COX11: variants seen among roughly 807,000 people sequenced by gnomAD.
COX11 encodes cytochrome c oxidase assembly protein COX11, mitochondrial.
A neutral mutation model predicts 29.4 loss-of-function variants in COX11; 18 were observed. The ratio of observed to expected loss-of-function variants is 0.61; its 90% CI spans 0.42 to 0.91. The LOEUF is 0.91. COX11 is among the 40% of genes least tolerant of loss of function. The pLI, the probability that COX11 is intolerant of heterozygous loss-of-function variation, is 0.00. For synonymous variants in COX11, 131 were observed against 124.0 expected, an observed-to-expected ratio of 1.06 and a Z score of -0.38; for missense variants, 312 against 346.0, an observed-to-expected ratio of 0.90 and a Z score of 0.78.
intron 1 of COX11, among the ~76,000 whole-genome samples, chr17:54,966,197 C>T (rs1342711977): frequency 1.3e-5 from 2 of 152,118 alleles, no homozygotes; most frequent in Non-Finnish European, 2.9e-5. Context: ...TTTAAGTGTC[C>T]TCCCTCAATA....
intron 1 of COX11, among the ~76,000 whole-genome samples, chr17:54,965,387 C>T (rs545810521): frequency 4.6e-5 from 7 of 152,268 alleles, no homozygotes; most frequent in African/African-American, 9.6e-5. Flanking sequence ...TATTTTCCCA[C>T]GTTGGTTAAT....
chr17:54,967,450 A>G (rs1160634560), intron 1 of COX11, among the ~76,000 whole-genome samples: 1 of 152,208 alleles, frequency 6.6e-6, no homozygotes, highest in Non-Finnish European at 1.5e-5. Context: ...AAAGCTGCAA[A>G]TTATTAGCTA....
rs934388946 is a variant in COX11, at chr17:54,962,116, A to G, written c.*617T>C. 24 of 956,386 alleles carry G rather than the reference A, an allele frequency of 2.5e-5. No homozygotes were observed. Among genetic ancestry groups the G allele is most frequent in the Non-Finnish European group, 2.9e-5 (23 of 803,398 alleles). The allele number at this position is 956,386 out of a possible 1,614,324, so 59.2% of individuals were successfully genotyped here. A position where few individuals can be genotyped will look rare whatever the true frequency, so the allele number is the denominator to read the frequency against. On this transcript the variant is annotated 3_prime_UTR_variant, in exon 4 of 4. Coordinates refer to ENST00000299335, the MANE Select transcript of COX11 (RefSeq NM_004375.5). ...ATGTATTTTATTTCAATTTTATGAT[A>G]CTACAGTTTCAAAGTAATTATTCAG...
chr17:54,966,756 G>A (rs80055006), intron 1 of COX11, among the ~76,000 whole-genome samples: 1,591 of 152,324 alleles, frequency 0.01, 17 homozygotes, highest in Middle Eastern at 0.02. Flanking sequence ...CTGATGAAAA[G>A]TAATTCACAT....
rs770781792 is a variant in COX11 at position 54,963,378 on chromosome 17, G to T, written c.576C>A (p.Asp192Glu). Residue 192 changes from aspartate to glutamate, a missense_variant, in exon 3 of 4, where the codon GAC becomes GAA. This residue lies in a region of COX11 where 182 missense variants were observed against 240.0 expected (regional missense o/e 0.76). Coordinates refer to ENST00000299335, the MANE Select transcript of COX11 (RefSeq NM_004375.5). ...LAFYRAKNPT[D>E]KPVIGISTYN... ...ATGTAGAAATTCCAATTACTGGTTT[G>T]TCAGTAGGATTCTTAGCTCTGTAAA... 2 of 1,612,258 alleles carry T rather than the reference G, an allele frequency of 1.2e-6. No homozygotes were observed. Among genetic ancestry groups the T allele is most frequent in the Non-Finnish European group, 1.7e-6 (2 of 1,179,008 alleles).
chr17:54,964,969 A>G (rs1598109930), intron 1 of COX11, 117 bp from the exon 2 acceptor site: 1 of 913,598 alleles, frequency 1.1e-6, no homozygotes, highest in Non-Finnish European at 1.6e-6. Context: ...AAGTTTACAT[A>G]TGGTAACTGA....
intron 1 of COX11, among the ~76,000 whole-genome samples, chr17:54,967,284 C>A (rs1230532164): frequency 6.6e-6 from 1 of 152,116 alleles, no homozygotes; most frequent in African/African-American, 2.4e-5. Flanking sequence ...ATTTTGGGAG[C>A]CACTATCTTA....
Position 54,960,547 on chromosome 17 carries a change from T to A in COX11, c.*2186A>T, listed in dbSNP as rs1211790419. 6.2e-7 allele frequency: 1 copy of A among 1,607,934 alleles called. No individual in the cohort carries two copies. The highest frequency in any genetic ancestry group is 2.2e-5 in the East Asian group (1 of 44,802). On this transcript the variant is annotated 3_prime_UTR_variant, in exon 4 of 4. Coordinates refer to ENST00000299335, the MANE Select transcript of COX11 (RefSeq NM_004375.5). The stretch of plus-strand genomic sequence containing the variant: ...TGAAATTGATACATAACCCTTTTGC[T>A]GTGATGGCTTTGTTTCAGAGCTATT...
At chr17:54,967,036 GCGCGCGCA>G (rs2077235522) in intron 1 of COX11, among the ~76,000 whole-genome samples, 8 of 46,830 alleles carry the variant, frequency 1.7e-4, no homozygotes, top group South Asian at 8.1e-4. Context: ...AAACGTGCGC[GCGCGCGCA>G]CACACACACA....
At chr17:54,958,209 A>C (rs1182486677), downstream of COX11, 2 of 152,264 alleles carry the variant, frequency 1.3e-5, no homozygotes, top group Non-Finnish European at 2.9e-5. Flanking sequence ...TTGGAAGCAA[A>C]AAGGAGCGAG....
chr17:54,968,777 T>C, upstream of COX11: 1 of 1,105,508 alleles, frequency 9.0e-7, no homozygotes, highest in Non-Finnish European at 1.3e-6. Context: ...GTGGCAGCGC[T>C]TGCAGTCGGG....
chr17:54,952,105 T>C (rs1168019721), exon 1 of COX11: 2 of 152,182 alleles, frequency 1.3e-5, no homozygotes, highest in Non-Finnish European at 2.9e-5. Flanking sequence ...AGTTGAAATT[T>C]TTCTAATCTG....
At chr17:54,967,031 T>TGCGC (rs34688822) in intron 1 of COX11, among the ~76,000 whole-genome samples, 15,065 of 89,632 alleles carry the variant, frequency 0.17, 1,032 homozygotes, top group Admixed American at 0.33. Flanking sequence ...TAAATAAACG[T>TGCGC]GCGCGCGCGC....
intron 1 of COX11, among the ~76,000 whole-genome samples, chr17:54,965,227 T>C (rs2077197446): frequency 6.6e-6 from 1 of 152,246 alleles, no homozygotes; most frequent in African/African-American, 2.4e-5. Context: ...AGAAATAAAA[T>C]TTACCCATGA....
At chr17:54,963,468 A>C in intron 2 of COX11, 37 bp from the exon 3 acceptor site, 1 of 1,569,364 alleles carries the variant, frequency 6.4e-7, no homozygotes, top group Non-Finnish European at 8.6e-7. Flanking sequence ...AATACTTTGA[A>C]TCTCACAAAG....
downstream of COX11, among the ~76,000 whole-genome samples, chr17:54,958,726 A>G (rs528998550): frequency 1.1e-4 from 13 of 113,610 alleles, no homozygotes; most frequent in East Asian, 3.0e-3. Context: ...GTGAAACTCC[A>G]TCTCAAAAAA....
chr17:54,968,445 A>G lies in COX11; in HGVS notation c.202T>C (p.Leu68=). Reference sequence around the variant, plus strand: ...CTCTTAGGCCGCCGCGGCGGCTGCAATGCTGGATGCCGGGCTCGAAGGCTG... The same window carrying G: ...CTCTTAGGCCGCCGCGGCGGCTGCAGTGCTGGATGCCGGGCTCGAAGGCTG... ...RCSLRARHPA[L]QPPRRPKSSN... Residue 68 remains leucine (L), a synonymous_variant, in exon 1 of 4, where the codon TTG becomes CTG. Coordinates refer to ENST00000299335, the MANE Select transcript of COX11 (RefSeq NM_004375.5). 6.2e-7 allele frequency: 1 copy of G among 1,613,242 alleles called. No homozygotes were observed. The highest frequency in any genetic ancestry group is 8.5e-7 in the Non-Finnish European group (1 of 1,179,934).
chr17:54,958,133 GA>G (rs35726440), downstream of COX11: 31,721 of 152,104 alleles, frequency 0.21, 3,871 homozygotes, highest in Non-Finnish European at 0.27. Flanking sequence ...CAAGGAAATG[GA>G]AATGCTAAAA....
At chr17:54,959,929 A>T (rs1231029391), downstream of COX11, among the ~76,000 whole-genome samples, 4 of 152,040 alleles carry the variant, frequency 2.6e-5, no homozygotes, top group South Asian at 2.1e-4. Flanking sequence ...ATATTTTTTT[A>T]AAAAGTTTGA....
Sources: gnomAD v4.1 joint callset for allele counts (sites outside exome capture counted in the v4.1 genomes callset) on GRCh38, gnomAD v4.1.1 for gene constraint, gnomAD v4.1.1 regional missense constraint, MANE v1.5 for transcripts, NCBI Gene and HGNC (gene_info 2026-07-23, HGNC 2026-07-21) for gene names.